GRIN3A: variants seen among roughly 807,000 people sequenced by gnomAD.
GRIN3A encodes the protein glutamate receptor ionotropic, NMDA 3A.
In GRIN3A, 47 loss-of-function variants were observed where a neutral mutation model predicts 92.4. That is an observed-to-expected ratio of 0.51 (90% CI 0.40 to 0.65). GRIN3A has a LOEUF of 0.65. GRIN3A is among the 30% of genes least tolerant of loss of function. The probability of loss-of-function intolerance (pLI) is 0.00; values close to 1 mark genes in which losing one functional copy is unlikely to be tolerated. For synonymous variants in GRIN3A, 527 were observed against 540.6 expected, an observed-to-expected ratio of 0.97 and a Z score of 0.35; for missense variants, 1,324 against 1,393.1, an observed-to-expected ratio of 0.95 and a Z score of 0.79.
intron 6 of GRIN3A, among the ~76,000 whole-genome samples, chr9:101,608,718 C>T (rs142077858): frequency 7.2e-5 from 11 of 152,248 alleles, no homozygotes; most frequent in African/African-American, 2.6e-4. Flanking sequence ...AGAAGCTGAG[C>T]CTCAAAATGC....
In GRIN3A at chr9:101,573,425, C is replaced by T. The variant is rs780499886; in HGVS notation, c.3097G>A (p.Glu1033Lys). ...NRRKYIFSDE[E>K]GQNQLGIRIH... ...CGGATGCCCAGCTGGTTTTGTCCTT[C>T]CTCATCACTAAAGATGTATTTCCGT... Residue 1033 changes from glutamate (E) to lysine (K), a missense_variant, in exon 9 of 9, where the codon GAA becomes AAA. By Grantham distance (56) the Glu-to-Lys change is moderately conservative (BLOSUM62 1). Transcript: ENST00000361820. 1.2e-6 allele frequency: 2 copies of T among 1,614,024 alleles called. No homozygotes were observed. The highest frequency in any genetic ancestry group is 1.7e-6 in the Non-Finnish European group (2 of 1,179,964).
At chr9:101,734,945 G>A (rs569714734) in intron 1 of GRIN3A, among the ~76,000 whole-genome samples, 1 of 151,666 alleles carries the variant, frequency 6.6e-6, no homozygotes, top group East Asian at 1.9e-4. Flanking sequence ...TGTAAAATGA[G>A]TTTGACATCC....
chr9:101,718,775 A>G (rs1356197066), intron 1 of GRIN3A, among the ~76,000 whole-genome samples: 1 of 152,130 alleles, frequency 6.6e-6, no homozygotes, highest in African/African-American at 2.4e-5. Context: ...AGCACCTAGA[A>G]ATTTCCTCTT....
intron 6 of GRIN3A, among the ~76,000 whole-genome samples, chr9:101,599,602 C>T (rs1828185042): frequency 6.6e-6 from 1 of 152,204 alleles, no homozygotes; most frequent in Admixed American, 6.5e-5. Flanking sequence ...GGTTGACTAA[C>T]TGTTTTGGAA....
At chr9:101,703,640 G>T (rs1003075013) in intron 1 of GRIN3A, among the ~76,000 whole-genome samples, 1 of 152,142 alleles carries the variant, frequency 6.6e-6, no homozygotes, top group African/African-American at 2.4e-5. Context: ...AACGTTCAGT[G>T]GCATTTGGTG....
Position 101,688,619 on chromosome 9 carries a change from T to C in GRIN3A, c.700-1419A>G, listed in dbSNP as rs1359574177. On this transcript the variant is annotated intron_variant, in intron 1 of 8. Coordinates refer to ENST00000361820, the MANE Select transcript of GRIN3A (RefSeq NM_133445.3). The stretch of plus-strand genomic sequence containing the variant: ...GTAGGGAGGGTAATGAAAAATGGTC[T>C]TTTTAAAATTAAAAAGGATTGGCCA... 3.3e-5 allele frequency among the ~76,000 whole-genome samples: 5 copies of C among 152,094 alleles called. No individual in the cohort carries two copies. In the East Asian group the frequency reaches 9.6e-4, roughly 29 times the overall value.
chr9:101,714,922 TA>T (rs1761744145), intron 1 of GRIN3A, among the ~76,000 whole-genome samples: 1 of 152,146 alleles, frequency 6.6e-6, no homozygotes, highest in Non-Finnish European at 1.5e-5. Context: ...TCTGCTACAT[TA>T]AATGTCCAAT....
At chr9:101,644,474 A>T (rs564620429) in intron 3 of GRIN3A, among the ~76,000 whole-genome samples, 13 of 151,856 alleles carry the variant, frequency 8.6e-5, no homozygotes, top group Middle Eastern at 3.4e-3. Flanking sequence ...AAAAAAAAAA[A>T]AAAACACAGT....
At chr9:101,632,465 C>T (rs1353858655) in intron 3 of GRIN3A, among the ~76,000 whole-genome samples, 1 of 144,042 alleles carries the variant, frequency 6.9e-6, no homozygotes, top group Non-Finnish European at 1.5e-5. Flanking sequence ...ATAGTATATG[C>T]TTGATAAATA....
chr9:101,650,594 T>A (rs79343568), intron 3 of GRIN3A, among the ~76,000 whole-genome samples: 1 of 151,986 alleles, frequency 6.6e-6, no homozygotes, highest in African/African-American at 2.4e-5. Flanking sequence ...CTGGCAAAAC[T>A]TGTGAGCTAT....
chr9:101,684,689 G>T (rs1459350386), intron 2 of GRIN3A, among the ~76,000 whole-genome samples: 1 of 152,060 alleles, frequency 6.6e-6, no homozygotes, highest in East Asian at 1.9e-4. Flanking sequence ...AGACCCTAAG[G>T]TATATACAAC....
chr9:101,701,239 G>A (rs10989595), intron 1 of GRIN3A, among the ~76,000 whole-genome samples: 20,395 of 152,096 alleles, frequency 0.13, 1,610 homozygotes, highest in Admixed American at 0.19. Context: ...TAGGTTCAGG[G>A]CTACATGTGC....
intron 3 of GRIN3A, among the ~76,000 whole-genome samples, chr9:101,657,245 C>G (rs1829101885): frequency 6.6e-6 from 1 of 151,792 alleles, no homozygotes; most frequent in Non-Finnish European, 1.5e-5. Flanking sequence ...AGTGCCAATT[C>G]AGTAAAACAA....
At position 101,669,483 on chromosome 9, in the gene GRIN3A, G is replaced by A. The variant is rs1340565661; in HGVS notation, c.2352+577C>T. ...TCTATGCAAGGTAGTCAGCTGAGCA[G>A]CTCCCCTTACTTTATAGGCCTTAGC... On this transcript the variant is annotated intron_variant, in intron 3 of 8. Coordinates refer to ENST00000361820, the MANE Select transcript of GRIN3A (RefSeq NM_133445.3). Among the ~76,000 whole-genome samples the A allele has an allele frequency of 2.6e-5, 4 of 152,132 alleles. No individual in the cohort carries two copies. In the East Asian group the frequency reaches 7.8e-4, roughly 30 times the overall value.
intron 6 of GRIN3A, among the ~76,000 whole-genome samples, chr9:101,582,365 A>G (rs1588235578): frequency 6.6e-6 from 1 of 152,194 alleles, no homozygotes; most frequent in Admixed American, 6.5e-5. Context: ...AGGAAAGACT[A>G]GAGCTGAGCA....
At chr9:101,579,451 T>C in intron 6 of GRIN3A, 91 bp from the exon 7 acceptor site, 1 of 1,280,620 alleles carries the variant, frequency 7.8e-7, no homozygotes, top group East Asian at 2.5e-5. Flanking sequence ...TGGATATTCA[T>C]TTTTTCTGGA....
At chr9:101,687,410 G>T (rs867954938) in intron 1 of GRIN3A, among the ~76,000 whole-genome samples, 50 of 152,216 alleles carry the variant, frequency 3.3e-4, no homozygotes, top group African/African-American at 1.2e-3. Flanking sequence ...TTTTTGCTAA[G>T]AGTACCAGAG....
intron 6 of GRIN3A, among the ~76,000 whole-genome samples, chr9:101,598,913 G>A (rs1286850004): frequency 1.3e-5 from 2 of 152,198 alleles, no homozygotes; most frequent in Non-Finnish European, 2.9e-5. Flanking sequence ...CACTCTTATG[G>A]ATTCCTCACT....
chr9:101,659,373 A>G (rs1274028910), intron 3 of GRIN3A, among the ~76,000 whole-genome samples: 2 of 145,488 alleles, frequency 1.4e-5, no homozygotes, highest in African/African-American at 5.0e-5. Context: ...CTATGTATTT[A>G]TTTATACATA....
Sources: gnomAD v4.1 joint callset for allele counts (sites outside exome capture counted in the v4.1 genomes callset) on GRCh38, gnomAD v4.1.1 for gene constraint, MANE v1.5 for transcripts, NCBI Gene and HGNC (gene_info 2026-07-23, HGNC 2026-07-21) for gene names.